Variants in AACS observed in about 807,000 individuals in gnomAD.
AACS encodes the protein acetoacetyl-CoA synthetase.
AACS carries 69 observed loss-of-function variants against 83.1 expected under a neutral mutation model. The ratio of observed to expected loss-of-function variants is 0.83; its 90% CI spans 0.68 to 1.01. AACS has a LOEUF of 1.01. Among genes scored for constraint, AACS ranks in the 50% least tolerant of loss-of-function variants. The probability of loss-of-function intolerance (pLI) is 0.00; values close to 1 mark genes in which losing one functional copy is unlikely to be tolerated. For missense variants in AACS, 866 were observed against 882.2 expected, an observed-to-expected ratio of 0.98 and a Z score of 0.23; for synonymous variants, 333 against 343.4, an observed-to-expected ratio of 0.97 and a Z score of 0.33.
chr12:125,077,532 A>G (rs1318962748), intron 3 of AACS, among the ~76,000 whole-genome samples: 1 of 151,216 alleles, frequency 6.6e-6, no homozygotes, highest in African/African-American at 2.4e-5. Context: ...AAAAAATTGT[A>G]TGTTCAGCAA....
chr12:125,090,459 A>T (rs1302046504), intron 4 of AACS, among the ~76,000 whole-genome samples: 1 of 151,350 alleles, frequency 6.6e-6, no homozygotes, highest in Non-Finnish European at 1.5e-5. Context: ...CCAACTATCC[A>T]TCCAACTGTC....
At position 125,136,742 on chromosome 12, in the gene AACS, C is replaced by A; in HGVS notation, c.1759C>A (p.Leu587Met). 6.2e-7 allele frequency: 1 copy of A among 1,614,174 alleles called. No homozygotes were observed. Among genetic ancestry groups the A allele is most frequent in the Non-Finnish European group, 8.5e-7 (1 of 1,180,042 alleles). Residue 587 changes from leucine (L) to methionine (M), a missense_variant, in exon 17 of 18, where the codon CTG (leucine) becomes ATG (methionine). Leu to Met is a conservative substitution (Grantham distance 15). Transcript: ENST00000316519. Reference protein sequence around the residue: ...KYREERVILFLKMASGHAFQP... With the variant: ...KYREERVILFMKMASGHAFQP... ...CAGGGAGGAGAGGGTGATCCTCTTC[C>A]TGAAGATGGCCTCCGGGCACGCCTT...
intron 3 of AACS, among the ~76,000 whole-genome samples, 153 bp downstream of exon 3, chr12:125,076,764 G>A (rs2136043375): frequency 6.6e-6 from 1 of 152,288 alleles, no homozygotes; most frequent in East Asian, 1.9e-4. Flanking sequence ...TATTTTTGCT[G>A]GGGAGGGGAA....
rs1384496364 is a variant in AACS at position 125,125,947 on chromosome 12, T to A, written c.1309+923T>A. The A allele has an allele frequency of 2.0e-5, 3 of 146,658 alleles. No homozygotes were observed. The East Asian group carries it at 6.2e-4, about 30-fold the overall frequency. 9.1% of individuals were successfully genotyped at this position (146,658 alleles called of 1,614,324 possible). A position where few individuals can be genotyped will look rare whatever the true frequency, so the allele number is the denominator to read the frequency against. ...TATATATGGGTGTATTATATGTGGA[T>A]TCCAAGTGAATTTTTTTTTTTTTTT... is the stretch of plus-strand genomic sequence containing the variant. On this transcript the variant is annotated intron_variant, in intron 12 of 17. Transcript: ENST00000316519.
chr12:125,138,787 A>T (rs1957435675), intron 17 of AACS: 1 of 152,180 alleles, frequency 6.6e-6, no homozygotes, highest in South Asian at 2.1e-4. Flanking sequence ...GAATGCCCTT[A>T]CATTTTCGAG....
chr12:125,136,957 C>A, intron 17 of AACS, 93 bp downstream of exon 17: 1 of 1,320,138 alleles, frequency 7.6e-7, no homozygotes, highest in Non-Finnish European at 1.0e-6. Context: ...CTTGCCGGTG[C>A]TTTATATATC....
intron 3 of AACS, among the ~76,000 whole-genome samples, chr12:125,085,604 A>G (rs922259744): frequency 7.9e-5 from 12 of 152,184 alleles, no homozygotes; most frequent in African/African-American, 2.9e-4. Context: ...GTGGAACTAC[A>G]CACATGCATG....
At chr12:125,089,669 C>T (rs1437473494) in intron 4 of AACS, among the ~76,000 whole-genome samples, 2 of 152,098 alleles carry the variant, frequency 1.3e-5, no homozygotes, top group African/African-American at 2.4e-5. Context: ...AACCATCCAC[C>T]AGTCCACCTG....
intron 4 of AACS, among the ~76,000 whole-genome samples, chr12:125,088,242 T>C (rs888297571): frequency 5.9e-5 from 9 of 151,358 alleles, no homozygotes; most frequent in Non-Finnish European, 1.2e-4. Flanking sequence ...TTTTTTTTTT[T>C]TCTTTTTGAG....
chr12:125,136,180 G>C (rs1216996060), intron 16 of AACS: 1 of 158,674 alleles, frequency 6.3e-6, no homozygotes, highest in Non-Finnish European at 1.4e-5. Flanking sequence ...TTCCCGAGTA[G>C]CTGTGTCTCC....
rs946482866 is a variant in AACS at position 125,107,029 on chromosome 12, A to G, written c.768-92A>G. The G allele has an allele frequency of 6.4e-6, 10 of 1,559,982 alleles. No homozygotes were observed. The African/African-American group carries it at 8.1e-5, about 13-fold the overall frequency. On this transcript the variant is annotated intron_variant, in intron 7 of 17. Coordinates refer to ENST00000316519, the MANE Select transcript of AACS (RefSeq NM_023928.5). Reference sequence around the variant, plus strand: ...CTGGAATCCTGGCTTTTCTGGGGGTAGAAACAGAGGGAAGTGCACGGGTGG... The same window carrying G: ...CTGGAATCCTGGCTTTTCTGGGGGTGGAAACAGAGGGAAGTGCACGGGTGG...
At position 125,136,864 on chromosome 12, in the gene AACS, G is replaced by A. The variant is rs1176060203; in HGVS notation, c.1881G>A (p.Pro627=). Residue 627 remains proline (P), a splice_region_variant and synonymous_variant, in exon 17 of 18, where the codon CCG becomes CCA. Transcript: ENST00000316519. ...PSLILETKGI[P]YTLNGKKVEV... is the part of the protein sequence containing the mutation. ...TCATCCTGGAAACCAAGGGCATCCCGGTATGGCCATCTCCCGCCAGCGAGG... is the reference window on the plus strand; with the variant it reads ...TCATCCTGGAAACCAAGGGCATCCCAGTATGGCCATCTCCCGCCAGCGAGG... The A allele has an allele frequency of 7.4e-6, 12 of 1,612,580 alleles. No homozygotes were observed. The highest frequency in any genetic ancestry group is 4.0e-5 in the African/African-American group (3 of 74,918).
At chr12:125,087,218 G>T (rs1956359194) in intron 4 of AACS, among the ~76,000 whole-genome samples, 1 of 152,220 alleles carries the variant, frequency 6.6e-6, no homozygotes, top group South Asian at 2.1e-4. Context: ...CCCATTTGGG[G>T]ATTGTTCTGG....
intron 3 of AACS, among the ~76,000 whole-genome samples, chr12:125,082,745 T>TGGGAG (rs746453412): frequency 2.0e-5 from 3 of 151,986 alleles, no homozygotes; most frequent in African/African-American, 2.4e-5. Context: ...TGCTTGAACC[T>TGGGAG]GGGAGGCGGA....
chr12:125,125,967 T>C (rs1957240367), intron 12 of AACS: 2 of 152,196 alleles, frequency 1.3e-5, no homozygotes, highest in East Asian at 1.9e-4. Flanking sequence ...ATTTTTTTTT[T>C]TTTTTTTGAG....
rs147936260 is a variant in AACS at position 125,087,542 on chromosome 12, C to T, written c.472+1099C>T. On this transcript the variant is annotated intron_variant, in intron 4 of 17. Coordinates refer to ENST00000316519, the MANE Select transcript of AACS (RefSeq NM_023928.5). ...CCCTGGTGGTTGGGGCTCCCGACCT[C>T]CCTCCCTTTCCCCTCCATGTCATCG... Among the ~76,000 whole-genome samples the T allele has an allele frequency of 3.3e-4, 51 of 152,306 alleles. No homozygotes were observed. The East Asian group carries it at 9.3e-3, about 28-fold the overall frequency.
At chr12:125,114,095 G>A (rs572609152) in intron 8 of AACS, among the ~76,000 whole-genome samples, 1 of 145,484 alleles carries the variant, frequency 6.9e-6, no homozygotes, top group African/African-American at 2.5e-5. Context: ...GCTAGCACCC[G>A]TCCTGGAAGG....
chr12:125,071,503 C>T (rs1955861342), intron 1 of AACS, among the ~76,000 whole-genome samples: 1 of 152,186 alleles, frequency 6.6e-6, no homozygotes, highest in Admixed American at 6.5e-5. Context: ...ATGATCCCTG[C>T]ACAAGGTGGA....
intron 10 of AACS, among the ~76,000 whole-genome samples, 172 bp downstream of exon 10, chr12:125,118,937 A>G (rs1336404169): frequency 1.3e-5 from 2 of 152,206 alleles, no homozygotes; most frequent in Admixed American, 1.3e-4. Flanking sequence ...TGCCAGAAGC[A>G]GAAGGTGAAA....
Sources: gnomAD v4.1 joint callset for allele counts (sites outside exome capture counted in the v4.1 genomes callset) on GRCh38, gnomAD v4.1.1 for gene constraint, MANE v1.5 for transcripts, NCBI Gene and HGNC (gene_info 2026-07-23, HGNC 2026-07-21) for gene names.